The following HMOX2 variants were observed in gnomAD, a reference collection of about 807,000 sequenced individuals.
HMOX2 encodes heme oxygenase (decycling) 2.
A neutral mutation model predicts 33.7 loss-of-function variants in HMOX2; 30 were observed. The ratio of observed to expected loss-of-function variants is 0.89; its 90% CI spans 0.67 to 1.21. The LOEUF is 1.21. Among genes scored for constraint, HMOX2 ranks in the 50% most tolerant of loss-of-function variants. HMOX2 has a pLI of 0.00. For missense variants in HMOX2, 403 were observed against 399.1 expected, an observed-to-expected ratio of 1.01 and a Z score of -0.08; for synonymous variants, 155 against 155.0, an observed-to-expected ratio of 1.00 and a Z score of 0.00.
Position 4,480,363 on chromosome 16 carries a change from TC to T in HMOX2, c.-42+3878del, listed in dbSNP as rs1555495683. On this transcript the variant is annotated intron_variant, in intron 1 of 5. Coordinates refer to ENST00000570646, the MANE Select transcript of HMOX2 (RefSeq NM_002134.4). ...GCACCCGGCCTTTTTTTTTTTTTTT[TC>T]CTTAGAGTCTTGCTCTGTCACCAGG... is the stretch of plus-strand genomic sequence containing the variant. Among the ~76,000 whole-genome samples the T allele has an allele frequency of 3.1e-3, 469 of 148,964 alleles. 2 individuals are homozygous for T. The highest frequency in any genetic ancestry group is 0.011 in the African/African-American group (432 of 40,418).
At chr16:4,477,747 C>A (rs891531796) in intron 1 of HMOX2, among the ~76,000 whole-genome samples, 16 of 151,918 alleles carry the variant, frequency 1.1e-4, no homozygotes, top group African/African-American at 3.9e-4. Flanking sequence ...GGTGAAACCC[C>A]GTCTCTACTA....
intron 1 of HMOX2, among the ~76,000 whole-genome samples, chr16:4,493,874 A>T (rs777594721): frequency 9.2e-5 from 14 of 152,232 alleles, no homozygotes; most frequent in Admixed American, 4.6e-4. Flanking sequence ...TCTTCTTATC[A>T]TATAATACAT....
In HMOX2 at chr16:4,509,968, G is replaced by A; in HGVS notation, c.*212G>A. 1.7e-6 allele frequency: 1 copy of A among 605,064 alleles called. No homozygotes were observed. Among genetic ancestry groups the A allele is most frequent in the South Asian group, 2.1e-5 (1 of 48,366 alleles). The allele number at this position is 605,064 out of a possible 1,614,324, so 37.5% of individuals were successfully genotyped here. A position where few individuals can be genotyped will look rare whatever the true frequency, so the allele number is the denominator to read the frequency against. ...CACTGGGCACAGGCCGTCACCCTGG[G>A]AGCAGTCGGCACAGTGCAGCAAGCC... is the stretch of plus-strand genomic sequence containing the variant. On this transcript the variant is annotated 3_prime_UTR_variant, in exon 6 of 6. Transcript: ENST00000570646.
intron 1 of HMOX2, among the ~76,000 whole-genome samples, chr16:4,494,068 G>A (rs2058362158): frequency 2.0e-5 from 3 of 152,146 alleles, no homozygotes; most frequent in Admixed American, 2.0e-4. Context: ...TGTAATCCCA[G>A]CACTTTGGGA....
At chr16:4,505,804 T>C (rs2058676920) in intron 2 of HMOX2, among the ~76,000 whole-genome samples, 194 bp downstream of exon 2, 1 of 152,220 alleles carries the variant, frequency 6.6e-6, no homozygotes, top group Non-Finnish European at 1.5e-5. Flanking sequence ...TGGTCCATTG[T>C]CTCATCCAAG....
chr16:4,497,988 G>A (rs1416055926), intron 1 of HMOX2, among the ~76,000 whole-genome samples: 3 of 151,346 alleles, frequency 2.0e-5, no homozygotes, highest in Non-Finnish European at 4.4e-5. Context: ...GCCCAAATGC[G>A]CAAGTGCTTA....
intron 1 of HMOX2, among the ~76,000 whole-genome samples, chr16:4,494,789 G>A (rs2058380843): frequency 6.6e-6 from 1 of 152,048 alleles, no homozygotes; most frequent in East Asian, 1.9e-4. Context: ...TGAAGCAGGA[G>A]GATCACTTGA....
chr16:4,509,132 T>A (rs1262219241), intron 4 of HMOX2, among the ~76,000 whole-genome samples: 1 of 152,124 alleles, frequency 6.6e-6, no homozygotes, highest in Non-Finnish European at 1.5e-5. Flanking sequence ...GCAGGGGCAT[T>A]ACTTGACCCC....
chr16:4,490,198 T>C (rs187289097), intron 1 of HMOX2, among the ~76,000 whole-genome samples: 4 of 152,316 alleles, frequency 2.6e-5, no homozygotes, highest in African/African-American at 9.6e-5. Flanking sequence ...TTATCACTTA[T>C]GTTGTTTTTT....
chr16:4,475,538 C>G (rs1301798757), upstream of HMOX2, among the ~76,000 whole-genome samples: 1 of 151,224 alleles, frequency 6.6e-6, no homozygotes, highest in Non-Finnish European at 1.5e-5. Flanking sequence ...TCTCGAACTG[C>G]TGACCTCAAG....
At chr16:4,506,389 C>T (rs1391947588) in intron 2 of HMOX2, among the ~76,000 whole-genome samples, 1 of 152,192 alleles carries the variant, frequency 6.6e-6, no homozygotes, top group African/African-American at 2.4e-5. Context: ...GTGCTTGGTC[C>T]TAGTCACATA....
intron 1 of HMOX2, among the ~76,000 whole-genome samples, chr16:4,480,865 G>A (rs965892687): frequency 1.1e-4 from 17 of 151,282 alleles, no homozygotes; most frequent in Non-Finnish European, 1.8e-4. Context: ...TGTTAGTCAG[G>A]CTGGTCTCAA....
At chr16:4,480,767 C>T (rs1055898762) in intron 1 of HMOX2, among the ~76,000 whole-genome samples, 1 of 151,074 alleles carries the variant, frequency 6.6e-6, no homozygotes, top group Admixed American at 6.6e-5. Flanking sequence ...ATTCTCCTGC[C>T]TCAGCCTCTG....
At chr16:4,500,212 C>G (rs2058524337) in intron 1 of HMOX2, among the ~76,000 whole-genome samples, 1 of 152,142 alleles carries the variant, frequency 6.6e-6, no homozygotes, top group African/African-American at 2.4e-5. Flanking sequence ...TCGGAGTGAG[C>G]TCTGAGCTGC....
chr16:4,485,706 T>C (rs2058150533), intron 1 of HMOX2, among the ~76,000 whole-genome samples: 1 of 152,076 alleles, frequency 6.6e-6, no homozygotes, highest in Admixed American at 6.6e-5. Flanking sequence ...TTGATTTTTT[T>C]GTTTTTGTTT....
intron 1 of HMOX2, among the ~76,000 whole-genome samples, chr16:4,486,589 G>T (rs537709746): frequency 1.3e-5 from 2 of 152,308 alleles, no homozygotes; most frequent in South Asian, 4.1e-4. Context: ...AACTGGAAAT[G>T]ATATGTGAAA....
At chr16:4,504,115 A>G (rs1444399211) in intron 1 of HMOX2, among the ~76,000 whole-genome samples, 1 of 152,300 alleles carries the variant, frequency 6.6e-6, no homozygotes, top group African/African-American at 2.4e-5. Context: ...GCAGCAGGCA[A>G]TGGGAATTGA....
At chr16:4,508,243 G>C (rs1298668339) in intron 4 of HMOX2, 39 bp downstream of exon 4, 5 of 1,561,190 alleles carry the variant, frequency 3.2e-6, no homozygotes, top group Non-Finnish European at 4.3e-6. Flanking sequence ...GCTGAAGAGG[G>C]AAACTTTGAC....
intron 1 of HMOX2, among the ~76,000 whole-genome samples, chr16:4,487,039 T>C (rs1353472352): frequency 6.6e-6 from 1 of 152,040 alleles, no homozygotes; most frequent in Admixed American, 6.6e-5. Context: ...GAAAGATTGC[T>C]TGAGCCCAGG....
Sources: gnomAD v4.1 joint callset for allele counts (sites outside exome capture counted in the v4.1 genomes callset) on GRCh38, gnomAD v4.1.1 for gene constraint, MANE v1.5 for transcripts, NCBI Gene and HGNC (gene_info 2026-07-23, HGNC 2026-07-21) for gene names.